Variants in WDR49 observed in about 807,000 individuals in gnomAD.
WDR49 encodes the protein cilia- and flagella-associated protein 337.
In WDR49, 107 loss-of-function variants were observed where a neutral mutation model predicts 119.5. The ratio of observed to expected loss-of-function variants is 0.90; its 90% confidence interval spans 0.77 to 1.05. The LOEUF is 1.05. Ranked by LOEUF, WDR49 falls within the 50% of genes least tolerant of loss-of-function variation. WDR49 has a pLI of 0.00. For synonymous variants in WDR49, 425 were observed against 418.8 expected, an observed-to-expected ratio of 1.01 and a Z score of -0.18; for missense variants, 1,240 against 1,220.5, an observed-to-expected ratio of 1.02 and a Z score of -0.24.
chr3:167,530,810 T>C (rs1418778786), intron 13 of WDR49, among the ~76,000 whole-genome samples: 1 of 152,124 alleles, frequency 6.6e-6, no homozygotes, highest in Admixed American at 6.6e-5. Context: ...AAAACCTCTT[T>C]ATGACAGGTC....
At chr3:167,555,105 C>T (rs765792582) in intron 9 of WDR49, among the ~76,000 whole-genome samples, 3 of 152,028 alleles carry the variant, frequency 2.0e-5, no homozygotes, top group Admixed American at 6.6e-5. Context: ...TCTCAAGAAA[C>T]GCCAAGGCAT....
chr3:167,591,068 C>T (rs1194228524), intron 7 of WDR49, among the ~76,000 whole-genome samples: 1 of 151,798 alleles, frequency 6.6e-6, no homozygotes, highest in African/African-American at 2.4e-5. Flanking sequence ...TTTTAGTACT[C>T]CTCTTACTGT....
chr3:167,596,114 A>G (rs2108300262), intron 7 of WDR49, among the ~76,000 whole-genome samples: 1 of 150,286 alleles, frequency 6.7e-6, no homozygotes, highest in East Asian at 2.0e-4. Context: ...AAAACACATG[A>G]AAAAATGCTC....
intron 5 of WDR49, among the ~76,000 whole-genome samples, chr3:167,612,378 G>A (rs1364342083): frequency 1.3e-5 from 2 of 149,062 alleles, no homozygotes; most frequent in Non-Finnish European, 1.5e-5. Flanking sequence ...AAAAAAAAAA[G>A]GAACTACTTC....
chr3:167,533,495 C>A (rs1752920251), intron 11 of WDR49, among the ~76,000 whole-genome samples: 1 of 152,006 alleles, frequency 6.6e-6, no homozygotes, highest in Non-Finnish European at 1.5e-5. Flanking sequence ...GCAAGTAAAT[C>A]AAGTCCTCCT....
At chr3:167,620,182 C>G (rs2108320942) in intron 5 of WDR49, among the ~76,000 whole-genome samples, 1 of 151,868 alleles carries the variant, frequency 6.6e-6, no homozygotes, top group South Asian at 2.1e-4. Context: ...TTTCCTTTCT[C>G]TTAAGATTTC....
intron 2 of WDR49, among the ~76,000 whole-genome samples, chr3:167,642,674 C>G (rs1434248419): frequency 6.6e-6 from 1 of 151,950 alleles, no homozygotes; most frequent in Non-Finnish European, 1.5e-5. Flanking sequence ...CTACCCAGAT[C>G]CTGTTATTCT....
intron 5 of WDR49, among the ~76,000 whole-genome samples, chr3:167,605,450 A>G (rs932769153): frequency 6.6e-6 from 1 of 152,164 alleles, no homozygotes; most frequent in African/African-American, 2.4e-5. Context: ...TTTATTGGGC[A>G]TCTACTATGT....
At chr3:167,498,594 G>A (rs1200143764) in intron 18 of WDR49, among the ~76,000 whole-genome samples, 3 of 152,112 alleles carry the variant, frequency 2.0e-5, no homozygotes, top group Non-Finnish European at 4.4e-5. Context: ...TAAAAGGTGA[G>A]GGGTAGAACT....
At position 167,526,858 on chromosome 3, in the gene WDR49, C is replaced by T. The variant is rs189829920; in HGVS notation, c.2604+962G>A. ...GCCTACTCTCCTGGCATAAGATTGG[C>T]ACCTGAGGCTCCTAAATAGAACCAA... On this transcript the variant is annotated intron_variant, in intron 15 of 18. Transcript: ENST00000682715. Among the ~76,000 whole-genome samples the T allele has an allele frequency of 8.5e-5, 13 of 152,200 alleles. No individual in the cohort carries two copies. In the East Asian group the frequency reaches 1.9e-3, roughly 23 times the overall value.
intron 3 of WDR49, among the ~76,000 whole-genome samples, chr3:167,623,970 G>A (rs1298723310): frequency 6.6e-6 from 1 of 151,852 alleles, no homozygotes; most frequent in Non-Finnish European, 1.5e-5. Context: ...CTGAGATGCA[G>A]TTTTTACAAA....
At chr3:167,639,039 A>G (rs1355287579) in intron 2 of WDR49, among the ~76,000 whole-genome samples, 4 of 151,652 alleles carry the variant, frequency 2.6e-5, no homozygotes, top group African/African-American at 9.7e-5. Context: ...AGTCTGTGAA[A>G]TTCTTCAATA....
intron 11 of WDR49, among the ~76,000 whole-genome samples, chr3:167,533,577 C>T (rs1752922843): frequency 6.6e-6 from 1 of 151,902 alleles, no homozygotes; most frequent in East Asian, 1.9e-4. Context: ...TCTCTTCATA[C>T]TTTCCCTCCT....
chr3:167,602,201 C>T lies in WDR49; in HGVS notation c.1201G>A (p.Gly401Ser). Residue 401 changes from glycine (G) to serine (S), a missense_variant, in exon 7 of 19, where the codon GGC becomes AGC. By Grantham distance (56) the Gly-to-Ser change is moderately conservative. Coordinates refer to ENST00000682715, the MANE Select transcript of WDR49 (RefSeq NM_001366157.1). ...VVSKPVGVLW[G>S]HSASVIAVQF... ...ACGGCTATTACACTGGCTGAGTGGC[C>T]CCAAAGGACACCCACTGGTTTAGAG... 6.2e-7 allele frequency: 1 copy of T among 1,606,456 alleles called. No homozygotes were observed.
At chr3:167,651,817 T>C (rs1718395084) in intron 2 of WDR49, among the ~76,000 whole-genome samples, 1 of 152,148 alleles carries the variant, frequency 6.6e-6, no homozygotes, top group Non-Finnish European at 1.5e-5. Flanking sequence ...TCACTTGGGT[T>C]CATTCAAGAC....
intron 10 of WDR49, among the ~76,000 whole-genome samples, chr3:167,543,173 A>G (rs1430033307): frequency 6.6e-6 from 1 of 152,104 alleles, no homozygotes; most frequent in Admixed American, 6.5e-5. Flanking sequence ...AAAAAAGTCC[A>G]GGACTGGATG....
chr3:167,519,550 C>T (rs937414578), intron 16 of WDR49, among the ~76,000 whole-genome samples: 2 of 151,906 alleles, frequency 1.3e-5, no homozygotes, highest in Non-Finnish European at 2.9e-5. Context: ...AACAAAACAT[C>T]ACATGTTCTC....
intron 15 of WDR49, among the ~76,000 whole-genome samples, chr3:167,523,201 G>A (rs1177370767): frequency 1.3e-5 from 2 of 151,990 alleles, no homozygotes; most frequent in Non-Finnish European, 2.9e-5. Context: ...TGCCTACAGA[G>A]CCAGTCAAAT....
chr3:167,545,658 G>A (rs1712143873), intron 10 of WDR49, among the ~76,000 whole-genome samples: 1 of 150,176 alleles, frequency 6.7e-6, no homozygotes. Context: ...TGGAAGCTAA[G>A]CTATGAGGAT....
Sources: allele counts gnomAD v4.1 joint callset (sites outside exome capture counted in the v4.1 genomes callset), GRCh38; gene constraint gnomAD v4.1.1; transcripts MANE v1.5; gene names NCBI Gene and HGNC (gene_info 2026-07-23, HGNC 2026-07-21).